MOB3B: variants seen among roughly 807,000 people sequenced by gnomAD.
The protein encoded by MOB3B is MOB kinase activator 3B.
In MOB3B, 7 loss-of-function variants were observed where a neutral mutation model predicts 18.7. The observed-to-expected ratio is 0.37, with a 90% CI of 0.21 to 0.70. MOB3B has a LOEUF of 0.70. MOB3B is among the 30% of genes least tolerant of loss of function. The pLI, the probability that MOB3B is intolerant of heterozygous loss-of-function variation, is 0.52. For synonymous variants in MOB3B, 111 were observed against 99.9 expected (o/e 1.11, Z -0.66); for missense variants, 253 against 281.3 (o/e 0.90, Z 0.72).
chr9:27,392,761 T>C (rs1821744537), intron 2 of MOB3B, among the ~76,000 whole-genome samples: 1 of 152,220 alleles, frequency 6.6e-6, no homozygotes, highest in Non-Finnish European at 1.5e-5. Flanking sequence ...TTCCTCTTGC[T>C]AGCTGTGTGA....
chr9:27,476,877 A>C (rs1230884623), intron 1 of MOB3B, among the ~76,000 whole-genome samples: 12 of 152,152 alleles, frequency 7.9e-5, no homozygotes, highest in African/African-American at 2.9e-4. Context: ...ATGCAAACCT[A>C]TTCCTGGGAG....
At chr9:27,390,146 T>G (rs766405664) in intron 2 of MOB3B, among the ~76,000 whole-genome samples, 2 of 152,020 alleles carry the variant, frequency 1.3e-5, no homozygotes, top group Non-Finnish European at 2.9e-5. Context: ...GGTGTGATCT[T>G]GGCTCACAGC....
chr9:27,404,149 T>G (rs938630175), intron 2 of MOB3B, among the ~76,000 whole-genome samples: 2 of 152,004 alleles, frequency 1.3e-5, no homozygotes, highest in Non-Finnish European at 2.9e-5. Context: ...GACTACCCTT[T>G]TTTTTTCTTT....
chr9:27,516,244 T>C (rs994864857), intron 1 of MOB3B, among the ~76,000 whole-genome samples: 1 of 152,204 alleles, frequency 6.6e-6, no homozygotes, highest in African/African-American at 2.4e-5. Flanking sequence ...ACCTAAGTTA[T>C]GGTGATTTGT....
chr9:27,337,906 C>T (rs1820886855), intron 3 of MOB3B, among the ~76,000 whole-genome samples: 1 of 152,110 alleles, frequency 6.6e-6, no homozygotes, highest in Non-Finnish European at 1.5e-5. Context: ...CTCTCTGAAT[C>T]GTCCAGTTTG....
At position 27,489,609 on chromosome 9, in the gene MOB3B, G is replaced by A. The variant is rs1819783583; in HGVS notation, c.-198-33861C>T. Among the ~76,000 whole-genome samples, 3 of 152,130 alleles carry A rather than the reference G, an allele frequency of 2.0e-5. 1 individual carries two copies. Among genetic ancestry groups the A allele is most frequent in the South Asian group, 4.1e-4 (2 of 4,826 alleles). On this transcript the variant is annotated intron_variant, in intron 1 of 3. Transcript: ENST00000262244. The stretch of plus-strand genomic sequence containing the variant: ...TAAATTTCCCTAATCGGAAGATAAA[G>A]GCTAACCACGTATGTGGGTGATGGG...
intron 2 of MOB3B, among the ~76,000 whole-genome samples, chr9:27,420,514 CTATATTCCATCTA>C (rs1374812145): frequency 3.3e-5 from 4 of 122,558 alleles, no homozygotes; most frequent in South Asian, 2.6e-4. Flanking sequence ...TATATTCCAT[CTATATTCCATCTA>C]TATATTCCAT....
At chr9:27,344,892 C>T (rs1821008303) in intron 3 of MOB3B, among the ~76,000 whole-genome samples, 1 of 152,232 alleles carries the variant, frequency 6.6e-6, no homozygotes, top group African/African-American at 2.4e-5. Context: ...GGAATAGGCA[C>T]ATACAATAAC....
chr9:27,369,925 T>G (rs1254343250), intron 2 of MOB3B, among the ~76,000 whole-genome samples: 1 of 140,304 alleles, frequency 7.1e-6, no homozygotes, highest in Non-Finnish European at 1.5e-5. Flanking sequence ...CCACATCAAC[T>G]TTTAATTGTC....
intron 2 of MOB3B, chr9:27,378,271 G>A (rs1243150153): frequency 4.4e-6 from 2 of 451,070 alleles, no homozygotes; most frequent in African/African-American, 4.0e-5. Context: ...GTGTGACTGA[G>A]AATGAATCTC....
At chr9:27,488,406 A>ATATT (rs758571093) in intron 1 of MOB3B, among the ~76,000 whole-genome samples, 11 of 151,930 alleles carry the variant, frequency 7.2e-5, no homozygotes, top group African/African-American at 2.7e-4. Context: ...CTCTCTTTTT[A>ATATT]TATTTATTTA....
At chr9:27,342,601 G>A (rs896402733) in intron 3 of MOB3B, among the ~76,000 whole-genome samples, 6 of 152,136 alleles carry the variant, frequency 3.9e-5, no homozygotes, top group Admixed American at 6.5e-5. Flanking sequence ...AGAGTGCCTG[G>A]GATTGCAGGC....
chr9:27,524,197 G>A (rs1487630180), intron 1 of MOB3B: 10 of 359,360 alleles, frequency 2.8e-5, no homozygotes, highest in Non-Finnish European at 4.1e-5. Flanking sequence ...GAAAGGGGCC[G>A]CAACCTTGGT....
intron 2 of MOB3B, among the ~76,000 whole-genome samples, chr9:27,401,457 T>A (rs1821877714): frequency 6.6e-6 from 1 of 152,162 alleles, no homozygotes; most frequent in East Asian, 1.9e-4. Context: ...GGGACCTGTG[T>A]CAACGACAGG....
At chr9:27,449,396 G>T (rs779248439) in intron 2 of MOB3B, among the ~76,000 whole-genome samples, 1 of 152,158 alleles carries the variant, frequency 6.6e-6, no homozygotes, top group Non-Finnish European at 1.5e-5. Flanking sequence ...TTATGTCTCA[G>T]GCTCTGGGAT....
chr9:27,339,963 T>A (rs1820916422), intron 3 of MOB3B, among the ~76,000 whole-genome samples: 1 of 152,204 alleles, frequency 6.6e-6, no homozygotes, highest in Non-Finnish European at 1.5e-5. Flanking sequence ...AAAATATTTT[T>A]AAAATTTCCC....
intron 2 of MOB3B, among the ~76,000 whole-genome samples, chr9:27,398,344 T>C (rs1455420207): frequency 1.3e-5 from 2 of 152,222 alleles, no homozygotes; most frequent in Non-Finnish European, 2.9e-5. Flanking sequence ...AACTAACCAA[T>C]GGCAACTATC....
At chr9:27,378,193 C>G (rs961330888) in intron 2 of MOB3B, 3 of 356,882 alleles carry the variant, frequency 8.4e-6, no homozygotes, top group Non-Finnish European at 1.1e-5. Context: ...ATCTCAAAAC[C>G]TTTGCATTTC....
chr9:27,434,923 T>C (rs62541573), intron 2 of MOB3B, among the ~76,000 whole-genome samples: 27,001 of 152,082 alleles, frequency 0.18, 2,681 homozygotes, highest in Middle Eastern at 0.27. Context: ...CTAAAATATG[T>C]CTCTTGGCAT....
Sources: gnomAD v4.1 joint callset for allele counts (sites outside exome capture counted in the v4.1 genomes callset) on GRCh38, gnomAD v4.1.1 for gene constraint, MANE v1.5 for transcripts, NCBI Gene and HGNC (gene_info 2026-07-23, HGNC 2026-07-21) for gene names.